The following RBM27 variants were observed in gnomAD, a reference collection of about 807,000 sequenced individuals.
RBM27 encodes the protein RNA-binding protein 27.
In RBM27, 22 loss-of-function variants were observed where a neutral mutation model predicts 135.3. The observed-to-expected ratio is 0.16, with a 90% CI of 0.12 to 0.23. The LOEUF (loss-of-function observed/expected upper bound fraction) is 0.23, where lower values mean the gene tolerates loss of function less well. RBM27 is among the 10% of genes least tolerant of loss of function. The pLI is 1.00. For missense variants in RBM27, 1,009 were observed against 1,281.0 expected (o/e 0.79, Z 3.24); for synonymous variants, 481 against 442.4 (o/e 1.09, Z -1.10).
intron 8 of RBM27, among the ~76,000 whole-genome samples, chr5:146,238,569 T>G (rs10515566): frequency 0.21 from 32,283 of 152,168 alleles, 4,374 homozygotes; most frequent in Admixed American, 0.33. Context: ...CTTAGGTGTT[T>G]TATTGTTTAC....
At chr5:146,220,216 G>A (rs1257310565) in intron 2 of RBM27, among the ~76,000 whole-genome samples, 4 of 152,144 alleles carry the variant, frequency 2.6e-5, no homozygotes, top group Admixed American at 2.6e-4. Flanking sequence ...GGTGGCTTAC[G>A]CCTGTAATCC....
At chr5:146,262,720 G>A (rs1305939794) in intron 13 of RBM27, among the ~76,000 whole-genome samples, 1 of 152,120 alleles carries the variant, frequency 6.6e-6, no homozygotes, top group Admixed American at 6.5e-5. Flanking sequence ...CTAGATGTTG[G>A]GTGAATAGTG....
chr5:146,268,702 C>A (rs115454766), intron 15 of RBM27, among the ~76,000 whole-genome samples: 1,684 of 152,244 alleles, frequency 0.011, 36 homozygotes, highest in African/African-American at 0.038. Context: ...CCCACCTTAG[C>A]CTTCTGAGTA....
chr5:146,272,999 C>T (rs1041974345), intron 19 of RBM27, among the ~76,000 whole-genome samples: 1 of 152,118 alleles, frequency 6.6e-6, no homozygotes, highest in Non-Finnish European at 1.5e-5. Flanking sequence ...GATGGAGGAA[C>T]ACTATACAAG....
At chr5:146,253,861 G>T (rs915287722) in intron 9 of RBM27, among the ~76,000 whole-genome samples, 18 of 152,074 alleles carry the variant, frequency 1.2e-4, no homozygotes, top group Admixed American at 2.6e-4. Flanking sequence ...GCCTGTAGTG[G>T]CCAGGAAGAT....
intron 5 of RBM27, 126 bp from the exon 6 acceptor site, chr5:146,230,531 A>T (rs1756881602): frequency 1.0e-6 from 1 of 998,522 alleles, no homozygotes; most frequent in African/African-American, 1.6e-5. Flanking sequence ...AGGAGTATGA[A>T]ATATGGATAG....
intron 2 of RBM27, 46 bp downstream of exon 2, chr5:146,219,149 A>G: frequency 7.3e-7 from 1 of 1,370,434 alleles, no homozygotes; most frequent in Non-Finnish European, 1.0e-6. Context: ...AAAGATTTTA[A>G]GTTTAAAACT....
At chr5:146,268,573 T>C (rs1321676422) in intron 15 of RBM27, among the ~76,000 whole-genome samples, 1 of 152,066 alleles carries the variant, frequency 6.6e-6, no homozygotes, top group Non-Finnish European at 1.5e-5. Flanking sequence ...TAGCTGCATG[T>C]CACTTTTTTC....
intron 1 of RBM27, among the ~76,000 whole-genome samples, chr5:146,204,548 AAG>A (rs1728915066): frequency 6.6e-6 from 1 of 152,186 alleles, no homozygotes; most frequent in African/African-American, 2.4e-5. Flanking sequence ...GGTTGGAAAA[AAG>A]AGGTTTCTGT....
At position 146,203,944 on chromosome 5, in the gene RBM27, C is replaced by T. The variant is rs1332583592; in HGVS notation, c.59+120C>T. On this transcript the variant is annotated intron_variant, in intron 1 of 20. Coordinates refer to ENST00000265271, the MANE Select transcript of RBM27 (RefSeq NM_018989.2). ...AGGGGCCGCGGCCGGGAGGTCCCGG[C>T]GACGCCTTCCCTGTAGTACTATCAC... The T allele has an allele frequency of 6.0e-6, 6 of 1,000,812 alleles. No individual in the cohort carries two copies. In the African/African-American group the frequency reaches 6.9e-5, roughly 11 times the overall value. The allele number at this position is 1,000,812 out of a possible 1,614,324, so 62.0% of individuals were successfully genotyped here. A position where few individuals can be genotyped will look rare whatever the true frequency, so the allele number is the denominator to read the frequency against.
intron 1 of RBM27, among the ~76,000 whole-genome samples, chr5:146,206,302 T>C (rs1755645022): frequency 6.7e-6 from 1 of 148,626 alleles, no homozygotes; most frequent in Non-Finnish European, 1.5e-5. Context: ...TTTCGTTTTT[T>C]GTTTTTTTTT....
chr5:146,213,243 C>G (rs538138032), intron 1 of RBM27, among the ~76,000 whole-genome samples: 2 of 152,148 alleles, frequency 1.3e-5, no homozygotes, highest in African/African-American at 4.8e-5. Flanking sequence ...GCTGGGATAA[C>G]AGGCATGCAC....
chr5:146,222,075 T>C (rs572281831), intron 2 of RBM27, among the ~76,000 whole-genome samples: 1 of 152,318 alleles, frequency 6.6e-6, no homozygotes, highest in Non-Finnish European at 1.5e-5. Flanking sequence ...ATAAATTGTT[T>C]TAAATAATAA....
At chr5:146,272,092 C>T (rs1370521059) in intron 19 of RBM27, among the ~76,000 whole-genome samples, 1 of 152,200 alleles carries the variant, frequency 6.6e-6, no homozygotes, top group African/African-American at 2.4e-5. Flanking sequence ...AGATTTGCTA[C>T]AGGCAAATGT....
chr5:146,216,323 CATA>C (rs1756192593), intron 1 of RBM27, among the ~76,000 whole-genome samples: 1 of 152,122 alleles, frequency 6.6e-6, no homozygotes, highest in African/African-American at 2.4e-5. Flanking sequence ...CACACCCAAC[CATA>C]ATATTTTTTG....
chr5:146,229,842 G>C lies in RBM27; in HGVS notation c.521G>C (p.Arg174Pro). The C allele has an allele frequency of 6.2e-7, 1 of 1,613,978 alleles. No individual in the cohort carries two copies. The highest frequency in any genetic ancestry group is 8.5e-7 in the Non-Finnish European group (1 of 1,179,946). ...AGGAGTAAGAGTCGGAGTAAGAGTC[G>C]AGGCCTGAGTCGCAGTAGAAGCCGA... The part of the protein sequence containing the change: ...RGRSKSRSKS[R>P]GLSRSRSRSR... Residue 174 changes from arginine to proline, a missense_variant, in exon 5 of 21, where the codon CGA (arginine) becomes CCA (proline). By Grantham distance (103) the Arg-to-Pro change is moderately radical (BLOSUM62 -2). Transcript: ENST00000265271.
intron 8 of RBM27, chr5:146,245,167 C>G (rs953537235): frequency 6.6e-6 from 1 of 151,990 alleles, no homozygotes; most frequent in Non-Finnish European, 1.5e-5. Flanking sequence ...GTATTTGGAC[C>G]CCTAATTTTT....
At chr5:146,244,379 A>G (rs1757531030) in intron 8 of RBM27, among the ~76,000 whole-genome samples, 1 of 152,242 alleles carries the variant, frequency 6.6e-6, no homozygotes, top group African/African-American at 2.4e-5. Flanking sequence ...ATTATAATTT[A>G]TAAAAAACTT....
chr5:146,254,888 A>G (rs899480828), intron 9 of RBM27, 55 bp from the exon 10 acceptor site: 142 of 1,385,276 alleles, frequency 1.0e-4, no homozygotes, highest in Non-Finnish European at 1.3e-4. Flanking sequence ...ACAATGAGAG[A>G]TGGTTTAACC....
Sources: allele counts gnomAD v4.1 joint callset (sites outside exome capture counted in the v4.1 genomes callset), GRCh38; gene constraint gnomAD v4.1.1; transcripts MANE v1.5; gene names NCBI Gene and HGNC (gene_info 2026-07-23, HGNC 2026-07-21).